The following KHDRBS3 variants were observed in gnomAD, a reference collection of about 807,000 sequenced individuals.
KHDRBS3 encodes the protein KH RNA binding domain containing, signal transduction associated 3.
KHDRBS3 carries 23 observed loss-of-function variants against 45.6 expected under a neutral mutation model. That is an observed-to-expected ratio of 0.50 (90% CI 0.36 to 0.72). The LOEUF is 0.72. Ranked by LOEUF, KHDRBS3 falls within the 30% of genes least tolerant of loss-of-function variation. KHDRBS3 has a pLI of 0.00. For missense variants in KHDRBS3, 352 were observed against 424.8 expected (o/e 0.83, Z 1.51); for synonymous variants, 162 against 156.5 (o/e 1.04, Z -0.26).
intron 5 of KHDRBS3, among the ~76,000 whole-genome samples, chr8:135,566,976 A>G (rs538251084): frequency 6.6e-6 from 1 of 152,326 alleles, no homozygotes; most frequent in Admixed American, 6.5e-5. Flanking sequence ...TCTGCTAAAT[A>G]AAACAGCACA....
intron 8 of KHDRBS3, among the ~76,000 whole-genome samples, chr8:135,645,511 T>A (rs1831246076): frequency 6.6e-6 from 1 of 152,192 alleles, no homozygotes; most frequent in Non-Finnish European, 1.5e-5. Flanking sequence ...ACCTTCATCT[T>A]TATGTTTTAA....
rs575601277 is a variant in KHDRBS3 at position 135,633,212 on chromosome 8, G to A, written c.891-11847G>A. 5.9e-5 allele frequency among the ~76,000 whole-genome samples: 9 copies of A among 152,280 alleles called. No individual in the cohort carries two copies. The South Asian group carries it at 1.7e-3, about 28-fold the overall frequency. ...TGAATCCATGCATGAATGAATGCAT[G>A]CATGATATGATTGTCTCATATTATT... On this transcript the variant is annotated intron_variant, in intron 7 of 8. Coordinates refer to ENST00000355849, the MANE Select transcript of KHDRBS3 (RefSeq NM_006558.3).
intron 7 of KHDRBS3, among the ~76,000 whole-genome samples, chr8:135,643,958 T>C (rs977690717): frequency 6.6e-6 from 1 of 152,168 alleles, no homozygotes; most frequent in Non-Finnish European, 1.5e-5. Flanking sequence ...CTGAGCTGGA[T>C]CATTTTCCAT....
rs142612563 is a variant in KHDRBS3, at chr8:135,630,587, A to C, written c.891-14472A>C. Among the ~76,000 whole-genome samples the C allele has an allele frequency of 1.0e-3, 159 of 151,956 alleles. 1 individual carries two copies. The highest frequency in any genetic ancestry group is 3.7e-3 in the African/African-American group (152 of 41,480). On this transcript the variant is annotated intron_variant, in intron 7 of 8. Coordinates refer to ENST00000355849, the MANE Select transcript of KHDRBS3 (RefSeq NM_006558.3). ...TTTCATCATTAGGGGAACATCATAG[A>C]GTGACTTACTCAAACCTAGATGGGA...
chr8:135,544,291 A>T (rs1826183827), intron 3 of KHDRBS3, among the ~76,000 whole-genome samples: 1 of 152,130 alleles, frequency 6.6e-6, no homozygotes, highest in Admixed American at 6.5e-5. Flanking sequence ...AGTGGTAGTT[A>T]TCAGGGCATC....
At chr8:135,571,190 C>T (rs976692807) in intron 5 of KHDRBS3, among the ~76,000 whole-genome samples, 7 of 152,130 alleles carry the variant, frequency 4.6e-5, no homozygotes, top group Admixed American at 2.0e-4. Context: ...ACATCACCAA[C>T]GGGAGGAAGC....
At chr8:135,552,619 C>T (rs1240329346) in intron 4 of KHDRBS3, among the ~76,000 whole-genome samples, 2 of 152,002 alleles carry the variant, frequency 1.3e-5, no homozygotes, top group Non-Finnish European at 2.9e-5. Flanking sequence ...ATTTTCTTCC[C>T]AGAGGAGTTT....
At chr8:135,467,167 T>A (rs1291272248) in intron 1 of KHDRBS3, among the ~76,000 whole-genome samples, 1 of 152,220 alleles carries the variant, frequency 6.6e-6, no homozygotes, top group East Asian at 1.9e-4. Flanking sequence ...ATGACAGTGG[T>A]TTCGTATTTG....
At chr8:135,522,513 C>T (rs566454801) in intron 2 of KHDRBS3, among the ~76,000 whole-genome samples, 27 of 152,288 alleles carry the variant, frequency 1.8e-4, no homozygotes, top group South Asian at 1.2e-3. Context: ...ATACCTTGTA[C>T]CATTTCCACA....
intron 1 of KHDRBS3, among the ~76,000 whole-genome samples, chr8:135,482,942 C>T (rs1274896509): frequency 4.6e-5 from 7 of 152,088 alleles, no homozygotes; most frequent in Non-Finnish European, 1.0e-4. Context: ...CTTTCTTTTT[C>T]ATAAGGCTGT....
chr8:135,544,128 A>G (rs963100918), intron 3 of KHDRBS3, among the ~76,000 whole-genome samples: 8 of 152,210 alleles, frequency 5.3e-5, no homozygotes, highest in African/African-American at 1.9e-4. Context: ...CTGATATCTT[A>G]GTTCACGCTC....
At chr8:135,469,784 C>T (rs1444148364) in intron 1 of KHDRBS3, among the ~76,000 whole-genome samples, 1 of 152,154 alleles carries the variant, frequency 6.6e-6, no homozygotes, top group South Asian at 2.1e-4. Flanking sequence ...GCCTTGGCCT[C>T]CCAAAGTGCT....
At chr8:135,463,307 T>C (rs1367946374) in intron 1 of KHDRBS3, among the ~76,000 whole-genome samples, 1 of 152,176 alleles carries the variant, frequency 6.6e-6, no homozygotes, top group Non-Finnish European at 1.5e-5. Context: ...ATTTGGAATT[T>C]AGCAGTCAGT....
intron 7 of KHDRBS3, among the ~76,000 whole-genome samples, chr8:135,633,378 A>G (rs1341126936): frequency 1.3e-5 from 2 of 152,304 alleles, no homozygotes; most frequent in East Asian, 3.9e-4. Context: ...AGAGATAATT[A>G]ACAACAAGGC....
chr8:135,647,051 C>T lies in KHDRBS3; in HGVS notation c.1008C>T (p.Gly336=), dbSNP rs144732287. The T allele has an allele frequency of 7.1e-5, 114 of 1,608,450 alleles. No homozygotes were observed. In the South Asian group the frequency reaches 1.1e-3, roughly 15 times the overall value. Residue 336 remains glycine, a synonymous_variant, in exon 9 of 9, where the codon GGC becomes GGT. Coordinates refer to ENST00000355849, the MANE Select transcript of KHDRBS3 (RefSeq NM_006558.3). The part of the protein sequence containing the change: ...HKAPSARTAK[G]VYRDQPYGRY ...CACCTTCAGCGAGGACAGCAAAGGG[C>T]GTCTACAGAGACCAGCCATATGGCA... is the stretch of plus-strand genomic sequence containing the variant.
At chr8:135,622,886 C>T (rs1830205592) in intron 7 of KHDRBS3, among the ~76,000 whole-genome samples, 1 of 152,218 alleles carries the variant, frequency 6.6e-6, no homozygotes, top group South Asian at 2.1e-4. Flanking sequence ...CTTGGTCTTT[C>T]CTCAAAGTTG....
chr8:135,536,262 T>TTA (rs1491256544), intron 2 of KHDRBS3, among the ~76,000 whole-genome samples: 36 of 98,842 alleles, frequency 3.6e-4, no homozygotes, highest in African/African-American at 6.5e-4. Context: ...TTTTTTTTTT[T>TTA]ATTATTGTTT....
intron 6 of KHDRBS3, among the ~76,000 whole-genome samples, chr8:135,585,875 A>G (rs969791539): frequency 6.6e-6 from 1 of 152,216 alleles, no homozygotes; most frequent in Non-Finnish European, 1.5e-5. Flanking sequence ...AACATTGTTC[A>G]GATGAAGATT....
intron 1 of KHDRBS3, among the ~76,000 whole-genome samples, chr8:135,505,678 G>T (rs978825998): frequency 6.6e-6 from 1 of 152,072 alleles, no homozygotes; most frequent in Non-Finnish European, 1.5e-5. Flanking sequence ...GGCTGGAGGA[G>T]CAAAAGAAGT....
Sources: allele counts gnomAD v4.1 joint callset (sites outside exome capture counted in the v4.1 genomes callset), GRCh38; gene constraint gnomAD v4.1.1; transcripts MANE v1.5; gene names NCBI Gene and HGNC (gene_info 2026-07-23, HGNC 2026-07-21).